SHISA9: variants seen among roughly 807,000 people sequenced by gnomAD.
SHISA9 encodes the protein protein shisa-9.
In SHISA9, 13 loss-of-function variants were observed where a neutral mutation model predicts 38.0. That is an observed-to-expected ratio of 0.34 (90% CI 0.22 to 0.54). The LOEUF (loss-of-function observed/expected upper bound fraction) is 0.54, where lower values mean the gene tolerates loss of function less well. Ranked by LOEUF, SHISA9 falls within the 20% of genes least tolerant of loss-of-function variation. The probability of loss-of-function intolerance (pLI) is 0.91; values close to 1 mark genes in which losing one functional copy is unlikely to be tolerated. For missense variants in SHISA9, 538 were observed against 575.8 expected (o/e 0.93, Z 0.67); for synonymous variants, 275 against 242.0 (o/e 1.14, Z -1.27).
chr16:13,463,655 C>T, the SHISA9 span, among the ~76,000 whole-genome samples: 1,688 of 152,308 alleles, frequency 0.011, 36 homozygotes, highest in African/African-American at 0.039. Context: ...AAAGAAAGAG[C>T]TTCCTTAGCA....
chr16:13,321,171 G>A, the SHISA9 span, among the ~76,000 whole-genome samples: 3 of 152,282 alleles, frequency 2.0e-5, no homozygotes, highest in South Asian at 4.1e-4. Context: ...ATGCAACCAC[G>A]ATTCCCATAT....
rs137953247 is a variant in SHISA9 at position 13,010,070 on chromosome 16, C to T, written c.691+93255C>T. Among the ~76,000 whole-genome samples the T allele has an allele frequency of 9.6e-3, 1,454 of 151,860 alleles. 6 individuals carry two copies. Among genetic ancestry groups the T allele is most frequent in the South Asian group, 0.025 (119 of 4,786 alleles). ...GTACACACCTGTGGTCCCAGCTACT[C>T]GGGAGGCTGAGGCAGGAAGGTCGCT... On this transcript the variant is annotated intron_variant, in intron 2 of 4. Coordinates refer to ENST00000558583, the MANE Select transcript of SHISA9 (RefSeq NM_001145204.3).
Position 12,911,355 on chromosome 16 carries a change from C to T in SHISA9, c.564-5333C>T, listed in dbSNP as rs182865474. ...GCACATAGTTGGTTCTTTCTACTGT[C>T]TAATTCATTACATTTTTTCAGCACA... On this transcript the variant is annotated intron_variant, in intron 1 of 4. Transcript: ENST00000558583. 1.0e-4 allele frequency: 99 copies of T among 985,430 alleles called. No homozygotes were observed. In the African/African-American group the frequency reaches 1.7e-3, roughly 16 times the overall value. The allele number at this position is 985,430 out of a possible 1,614,324, so 61.0% of individuals were successfully genotyped here.
intron 2 of SHISA9, among the ~76,000 whole-genome samples, chr16:13,065,289 C>G (rs549505536): frequency 6.6e-6 from 1 of 152,214 alleles, no homozygotes; most frequent in Non-Finnish European, 1.5e-5. Context: ...TCATCCCTGT[C>G]CCTTTCTCTT....
the SHISA9 span, among the ~76,000 whole-genome samples, chr16:13,501,975 C>T: frequency 6.7e-6 from 1 of 149,460 alleles, no homozygotes; most frequent in African/African-American, 2.5e-5. Context: ...GCACTGCAGC[C>T]TGGGCAACAA....
chr16:13,101,754 AG>A (rs1193558670), intron 2 of SHISA9, among the ~76,000 whole-genome samples: 1 of 152,210 alleles, frequency 6.6e-6, no homozygotes, highest in Non-Finnish European at 1.5e-5. Flanking sequence ...ACAGTGGATA[AG>A]GGTTCCCTTT....
chr16:12,924,074 GT>G (rs1463044954), intron 2 of SHISA9, among the ~76,000 whole-genome samples: 1 of 152,048 alleles, frequency 6.6e-6, no homozygotes. Flanking sequence ...AATATGAGTG[GT>G]TTCCAGCCAG....
intron 2 of SHISA9, among the ~76,000 whole-genome samples, chr16:12,933,703 G>A (rs547651148): frequency 6.6e-6 from 1 of 152,174 alleles, no homozygotes; most frequent in East Asian, 1.9e-4. Flanking sequence ...TGAAAATGGG[G>A]CACATTATGT....
chr16:13,344,243 G>A, the SHISA9 span, among the ~76,000 whole-genome samples: 1 of 152,184 alleles, frequency 6.6e-6, no homozygotes, highest in Admixed American at 6.5e-5. Flanking sequence ...GGAGGGTGAG[G>A]GTGGAGAGTG....
At chr16:13,460,516 C>T in the SHISA9 span, among the ~76,000 whole-genome samples, 4 of 152,270 alleles carry the variant, frequency 2.6e-5, no homozygotes, top group African/African-American at 7.2e-5. Context: ...GCCTGGCACT[C>T]AAGAATGTGT....
chr16:13,490,357 T>A, the SHISA9 span, among the ~76,000 whole-genome samples: 1 of 152,060 alleles, frequency 6.6e-6, no homozygotes, highest in East Asian at 1.9e-4. Context: ...GAGACCAGCC[T>A]GGGTGACATG....
chr16:13,495,295 A>G, the SHISA9 span, among the ~76,000 whole-genome samples: 1 of 152,136 alleles, frequency 6.6e-6, no homozygotes, highest in African/African-American at 2.4e-5. Context: ...TCAATTTCCT[A>G]GTTTTGATAT....
intron 2 of SHISA9, among the ~76,000 whole-genome samples, chr16:13,153,908 G>A (rs1243482714): frequency 1.3e-5 from 2 of 151,446 alleles, no homozygotes; most frequent in Non-Finnish European, 2.9e-5. Flanking sequence ...ACAAGCACGT[G>A]GCTGAAGCTC....
At chr16:12,948,826 A>G (rs2071719012) in intron 2 of SHISA9, among the ~76,000 whole-genome samples, 1 of 152,174 alleles carries the variant, frequency 6.6e-6, no homozygotes, top group East Asian at 1.9e-4. Flanking sequence ...TCTAGGATTT[A>G]AAAAATGTTC....
At chr16:13,440,941 G>A in the SHISA9 span, among the ~76,000 whole-genome samples, 19 of 151,556 alleles carry the variant, frequency 1.3e-4, no homozygotes, top group Non-Finnish European at 2.1e-4. Context: ...AAAAAAAAAA[G>A]TCATTGATAT....
chr16:13,285,397 G>A, the SHISA9 span, among the ~76,000 whole-genome samples: 1 of 150,980 alleles, frequency 6.6e-6, no homozygotes, highest in South Asian at 2.1e-4. Context: ...TCTGCCCAAG[G>A]CAAATTTCAT....
chr16:13,503,406 A>G, the SHISA9 span, among the ~76,000 whole-genome samples: 14 of 152,210 alleles, frequency 9.2e-5, no homozygotes, highest in Middle Eastern at 3.2e-3. Context: ...TCATGATTCT[A>G]TGAATTGCTT....
the SHISA9 span, among the ~76,000 whole-genome samples, chr16:13,531,471 G>A: frequency 7.9e-5 from 12 of 152,256 alleles, no homozygotes; most frequent in African/African-American, 2.6e-4. Flanking sequence ...CAGAGAGGTC[G>A]AGTAATCTTT....
chr16:12,905,275 A>G (rs1411505702), intron 1 of SHISA9, among the ~76,000 whole-genome samples: 1 of 152,216 alleles, frequency 6.6e-6, no homozygotes, highest in African/African-American at 2.4e-5. Context: ...CAGTTAGGAA[A>G]TTATGCATTA....
Sources: gnomAD v4.1 joint callset for allele counts (sites outside exome capture counted in the v4.1 genomes callset) on GRCh38, gnomAD v4.1.1 for gene constraint, MANE v1.5 for transcripts, NCBI Gene and HGNC (gene_info 2026-07-23, HGNC 2026-07-21) for gene names.